GRIP1: variants seen among roughly 807,000 people sequenced by gnomAD.
The protein encoded by GRIP1 is glutamate receptor interacting protein 1, also known as glutamate receptor-interacting protein 1.
A neutral mutation model predicts 129.9 loss-of-function variants in GRIP1; 45 were observed. The observed-to-expected ratio is 0.35, with a 90% CI of 0.27 to 0.44. The LOEUF (loss-of-function observed/expected upper bound fraction) is 0.44, where lower values mean the gene tolerates loss of function less well. GRIP1 is among the 20% of genes least tolerant of loss of function. The pLI, the probability that GRIP1 is intolerant of heterozygous loss-of-function variation, is 1.00. For synonymous variants in GRIP1, 530 were observed against 520.8 expected (o/e 1.02, Z -0.24); for missense variants, 1,196 against 1,396.8 (o/e 0.86, Z 2.29).
chr12:66,892,050 T>C (rs1220142348), intron 1 of GRIP1: 1 of 152,608 alleles, frequency 6.6e-6, no homozygotes, highest in East Asian at 1.9e-4. Context: ...AAGAAACTCA[T>C]GGCATCTCAG....
chr12:66,401,618 A>G (rs1158619862), intron 16 of GRIP1, among the ~76,000 whole-genome samples: 1 of 142,524 alleles, frequency 7.0e-6, no homozygotes, highest in Admixed American at 7.0e-5. Flanking sequence ...ATACACACAC[A>G]CACACACACA....
At chr12:66,754,054 A>G (rs1325872269) in intron 1 of GRIP1, among the ~76,000 whole-genome samples, 1 of 152,188 alleles carries the variant, frequency 6.6e-6, no homozygotes, top group African/African-American at 2.4e-5. Flanking sequence ...AGCAGTGTGA[A>G]TCATCAAATC....
At chr12:66,460,319 C>T (rs948700137) in intron 9 of GRIP1, among the ~76,000 whole-genome samples, 1 of 152,162 alleles carries the variant, frequency 6.6e-6, no homozygotes, top group Non-Finnish European at 1.5e-5. Flanking sequence ...AGATATATGG[C>T]CACAGAAGTT....
At chr12:66,894,657 T>A (rs1019622152) in intron 1 of GRIP1, among the ~76,000 whole-genome samples, 2 of 152,120 alleles carry the variant, frequency 1.3e-5, no homozygotes, top group African/African-American at 4.8e-5. Context: ...CCAAGGCTCC[T>A]GAGCTAATCA....
intron 1 of GRIP1, among the ~76,000 whole-genome samples, chr12:66,674,306 C>G (rs2034222926): frequency 6.6e-6 from 1 of 152,134 alleles, no homozygotes; most frequent in Admixed American, 6.5e-5. Flanking sequence ...AACAGAAAAT[C>G]CAAGGCCACC....
intron 1 of GRIP1, among the ~76,000 whole-genome samples, chr12:66,959,259 C>T (rs1321758928): frequency 1.3e-5 from 2 of 151,802 alleles, no homozygotes; most frequent in African/African-American, 4.8e-5. Context: ...TTTCATATTC[C>T]ATATTCTATA....
chr12:66,553,801 A>G (rs1467527511), intron 2 of GRIP1, among the ~76,000 whole-genome samples: 1 of 151,920 alleles, frequency 6.6e-6, no homozygotes, highest in Non-Finnish European at 1.5e-5. Flanking sequence ...GTGCTTTCCT[A>G]TCACAATGGA....
At chr12:66,569,619 G>C in intron 2 of GRIP1, among the ~76,000 whole-genome samples, 1 of 152,192 alleles carries the variant, frequency 6.6e-6, no homozygotes, top group Admixed American at 6.5e-5. Context: ...AGGCACCAGG[G>C]ACCATGGGAC....
At chr12:66,833,543 G>A (rs2039556241) in intron 1 of GRIP1, among the ~76,000 whole-genome samples, 2 of 152,136 alleles carry the variant, frequency 1.3e-5, no homozygotes. Context: ...CTGGATCCAA[G>A]TATCTACCAC....
chr12:66,922,993 T>C (rs954846861), intron 1 of GRIP1, among the ~76,000 whole-genome samples: 9 of 152,340 alleles, frequency 5.9e-5, no homozygotes, highest in Middle Eastern at 3.4e-3. Context: ...ATTGAGCCCA[T>C]GCTGCAGGTA....
At chr12:66,874,565 G>A (rs2040350563) in intron 1 of GRIP1, among the ~76,000 whole-genome samples, 2 of 152,134 alleles carry the variant, frequency 1.3e-5, no homozygotes, top group African/African-American at 4.8e-5. Flanking sequence ...TCTGCTTCTG[G>A]GGAGGCCTCA....
intron 1 of GRIP1, among the ~76,000 whole-genome samples, chr12:66,963,107 TGA>T (rs147025205): frequency 6.6e-6 from 1 of 152,138 alleles, no homozygotes; most frequent in Non-Finnish European, 1.5e-5. Flanking sequence ...GCCCAGAGTT[TGA>T]GATCAGCGTG....
intron 1 of GRIP1, among the ~76,000 whole-genome samples, chr12:66,817,036 A>C (rs2039232144): frequency 6.6e-6 from 1 of 152,098 alleles, no homozygotes; most frequent in South Asian, 2.1e-4. Flanking sequence ...AAAACAAATA[A>C]GATTTTATCC....
At chr12:66,350,561 C>A (rs1024154475) in intron 24 of GRIP1, among the ~76,000 whole-genome samples, 1 of 152,166 alleles carries the variant, frequency 6.6e-6, no homozygotes, top group Non-Finnish European at 1.5e-5. Flanking sequence ...GTTCTGTTCT[C>A]TTCTTTGTTA....
intron 1 of GRIP1, among the ~76,000 whole-genome samples, chr12:66,870,895 T>C (rs532618758): frequency 1.4e-3 from 215 of 152,284 alleles, no homozygotes; most frequent in Non-Finnish European, 2.6e-3. Context: ...CTCACTGTGC[T>C]GAACTACTGC....
At chr12:66,960,775 G>GC (rs2041911023) in intron 1 of GRIP1, among the ~76,000 whole-genome samples, 1 of 152,074 alleles carries the variant, frequency 6.6e-6, no homozygotes, top group South Asian at 2.1e-4. Flanking sequence ...ACTCAGACCA[G>GC]CCCCCACAGC....
intron 20 of GRIP1, among the ~76,000 whole-genome samples, chr12:66,377,854 A>G (rs1353336274): frequency 6.6e-6 from 1 of 152,134 alleles, no homozygotes; most frequent in East Asian, 1.9e-4. Context: ...CTGCTGCTAA[A>G]TGGGCTGCAG....
At position 66,941,210 on chromosome 12, in the gene GRIP1, A is replaced by G. The variant is rs149476772; in HGVS notation, c.58+127840T>C. 1.1e-4 allele frequency among the ~76,000 whole-genome samples: 16 copies of G among 152,292 alleles called. No homozygotes were observed. In the East Asian group the frequency reaches 3.1e-3, roughly 29 times the overall value. On this transcript the variant is annotated intron_variant, in intron 1 of 1. Transcript: ENST00000643019. ...GCAGGTGGTTTAAGAGGCCCTGAGA[A>G]CAGTGACTTGCCCAGGGTCACACTT...
chr12:66,540,123 C>A (rs1331884378), intron 3 of GRIP1, among the ~76,000 whole-genome samples: 1 of 152,242 alleles, frequency 6.6e-6, no homozygotes, highest in Non-Finnish European at 1.5e-5. Flanking sequence ...AACTTAACCG[C>A]CTAATGCTCT....
Sources: gnomAD v4.1 joint callset for allele counts (sites outside exome capture counted in the v4.1 genomes callset) on GRCh38, gnomAD v4.1.1 for gene constraint, MANE v1.5 for transcripts, NCBI Gene and HGNC (gene_info 2026-07-23, HGNC 2026-07-21) for gene names.